Variants in PCDH9 observed in about 807,000 individuals in gnomAD.
PCDH9 encodes the protein protocadherin 9, also known as protocadherin-9.
Under a neutral mutation model 70.6 loss-of-function variants are expected in PCDH9, and 24 were observed. The ratio of observed to expected loss-of-function variants is 0.34; its 90% CI spans 0.25 to 0.48. The LOEUF (loss-of-function observed/expected upper bound fraction) is 0.48, where lower values mean the gene tolerates loss of function less well. PCDH9 is among the 20% of genes least tolerant of loss of function. The pLI, the probability that PCDH9 is intolerant of heterozygous loss-of-function variation, is 0.99. For synonymous variants in PCDH9, 562 were observed against 558.5 expected (o/e 1.01, Z -0.09); for missense variants, 1,281 against 1,503.6 (o/e 0.85, Z 2.45).
chr13:66,946,017 C>T (rs989652677), intron 2 of PCDH9, among the ~76,000 whole-genome samples: 1 of 152,100 alleles, frequency 6.6e-6, no homozygotes, highest in African/African-American at 2.4e-5. Context: ...GGTATTGTAA[C>T]ATTTCCTCAT....
chr13:67,049,460 A>T (rs2085282842), intron 2 of PCDH9, among the ~76,000 whole-genome samples: 1 of 152,216 alleles, frequency 6.6e-6, no homozygotes, highest in South Asian at 2.1e-4. Flanking sequence ...TCTTCTTCCC[A>T]GCAATGAACA....
At chr13:66,770,348 A>C (rs938430186) in intron 3 of PCDH9, among the ~76,000 whole-genome samples, 1 of 152,162 alleles carries the variant, frequency 6.6e-6, no homozygotes, top group African/African-American at 2.4e-5. Context: ...CCAGTTCCCC[A>C]AAAACTGCTA....
chr13:66,577,383 A>G (rs2076830495), intron 4 of PCDH9, among the ~76,000 whole-genome samples: 1 of 152,012 alleles, frequency 6.6e-6, no homozygotes, highest in East Asian at 1.9e-4. Context: ...ATCCAAAGTG[A>G]ATAATAAGAG....
At chr13:66,748,455 G>C (rs978196731) in intron 3 of PCDH9, among the ~76,000 whole-genome samples, 21 of 152,300 alleles carry the variant, frequency 1.4e-4, no homozygotes, top group African/African-American at 4.6e-4. Context: ...GAATATTCAA[G>C]TGTGTATAAT....
intron 3 of PCDH9, among the ~76,000 whole-genome samples, chr13:66,785,712 A>C (rs540111769): frequency 7.9e-5 from 12 of 152,190 alleles, no homozygotes; most frequent in African/African-American, 2.9e-4. Context: ...TTGTTGACAA[A>C]AAGGGTGAGT....
At chr13:66,936,528 A>G (rs766289449) in intron 2 of PCDH9, among the ~76,000 whole-genome samples, 2 of 152,206 alleles carry the variant, frequency 1.3e-5, no homozygotes, top group Admixed American at 1.3e-4. Context: ...TTCAAAAGAA[A>G]TACAGACAAC....
chr13:66,929,112 T>C (rs1478974798), intron 2 of PCDH9, among the ~76,000 whole-genome samples: 1 of 152,070 alleles, frequency 6.6e-6, no homozygotes, highest in African/African-American at 2.4e-5. Flanking sequence ...CATGTTTTCA[T>C]TTTTCCTCTT....
At chr13:66,845,003 G>T (rs2081181861) in intron 3 of PCDH9, among the ~76,000 whole-genome samples, 1 of 152,068 alleles carries the variant, frequency 6.6e-6, no homozygotes, top group Non-Finnish European at 1.5e-5. Flanking sequence ...GTTTTTTACG[G>T]GTTTCAGAGG....
intron 3 of PCDH9, among the ~76,000 whole-genome samples, chr13:66,778,206 A>G (rs1448379147): frequency 6.6e-6 from 1 of 151,938 alleles, no homozygotes; most frequent in African/African-American, 2.4e-5. Flanking sequence ...TGGGTGTAGC[A>G]CACCAGCATG....
chr13:66,942,539 AT>A (rs1161250441), intron 2 of PCDH9, among the ~76,000 whole-genome samples: 1 of 152,046 alleles, frequency 6.6e-6, no homozygotes, highest in African/African-American at 2.4e-5. Flanking sequence ...TTATGAAAAA[AT>A]TAAGGCTCAA....
chr13:67,097,996 C>G (rs756661462), intron 2 of PCDH9, among the ~76,000 whole-genome samples: 1 of 152,164 alleles, frequency 6.6e-6, no homozygotes, highest in Non-Finnish European at 1.5e-5. Context: ...AAAGACCATT[C>G]TTACAGATTT....
intron 2 of PCDH9, among the ~76,000 whole-genome samples, chr13:67,039,801 G>A (rs969059621): frequency 1.3e-5 from 2 of 152,074 alleles, no homozygotes; most frequent in Non-Finnish European, 2.9e-5. Flanking sequence ...ACTTTGTAGC[G>A]AAGTTGAACA....
intron 4 of PCDH9, among the ~76,000 whole-genome samples, chr13:66,442,652 A>T (rs1957995274): frequency 1.4e-5 from 1 of 70,424 alleles, no homozygotes; most frequent in Admixed American, 2.2e-4. Context: ...TAATAAACTC[A>T]CCTCCAGTTT....
intron 3 of PCDH9, among the ~76,000 whole-genome samples, chr13:66,842,805 T>C (rs1402685636): frequency 2.0e-5 from 3 of 152,146 alleles, no homozygotes; most frequent in Non-Finnish European, 2.9e-5. Context: ...AAGTAATGAA[T>C]TGGATGAGGG....
intron 4 of PCDH9, among the ~76,000 whole-genome samples, chr13:66,540,110 A>C (rs530491844): frequency 4.6e-5 from 7 of 152,096 alleles, no homozygotes; most frequent in Middle Eastern, 3.4e-3. Context: ...TCCTGGGCTC[A>C]AGAAATCCTC....
chr13:66,687,810 T>C (rs2078426023), intron 3 of PCDH9, among the ~76,000 whole-genome samples: 1 of 152,096 alleles, frequency 6.6e-6, no homozygotes, highest in Non-Finnish European at 1.5e-5. Flanking sequence ...CTGCTCCCCT[T>C]TTGTAACTTT....
chr13:67,158,089 C>T (rs1175525707), intron 2 of PCDH9, among the ~76,000 whole-genome samples: 1 of 152,168 alleles, frequency 6.6e-6, no homozygotes, highest in East Asian at 1.9e-4. Context: ...AAATACTTCT[C>T]TTTAGTACAT....
At chr13:67,200,280 A>T (rs2089177016) in intron 2 of PCDH9, among the ~76,000 whole-genome samples, 1 of 152,054 alleles carries the variant, frequency 6.6e-6, no homozygotes, top group South Asian at 2.1e-4. Context: ...GTTGTAGGGA[A>T]TCAAAATATA....
chr13:66,563,450 G>A (rs895763608), intron 4 of PCDH9, among the ~76,000 whole-genome samples: 2 of 152,076 alleles, frequency 1.3e-5, no homozygotes, highest in Admixed American at 1.3e-4. Context: ...CTACCCTCTA[G>A]CCACAACGAT....
Sources: gnomAD v4.1 joint callset for allele counts (sites outside exome capture counted in the v4.1 genomes callset) on GRCh38, gnomAD v4.1.1 for gene constraint, MANE v1.5 for transcripts, NCBI Gene and HGNC (gene_info 2026-07-23, HGNC 2026-07-21) for gene names.